The following SGCZ variants were observed in gnomAD, a reference collection of about 807,000 sequenced individuals.
SGCZ encodes the protein zeta-sarcoglycan.
SGCZ carries 40 observed loss-of-function variants against 41.3 expected under a neutral mutation model. That is an observed-to-expected ratio of 0.97 (90% CI 0.75 to 1.26). The LOEUF (loss-of-function observed/expected upper bound fraction) is 1.26, where lower values mean the gene tolerates loss of function less well. SGCZ is among the 50% of genes most tolerant of loss of function. The pLI is 0.00. For missense variants in SGCZ, 552 were observed against 369.8 expected (o/e 1.49, Z -4.04); for synonymous variants, 206 against 137.5 (o/e 1.50, Z -3.49).
chr8:14,367,596 G>A (rs188032830), intron 2 of SGCZ, among the ~76,000 whole-genome samples: 39 of 152,216 alleles, frequency 2.6e-4, no homozygotes, highest in Admixed American at 3.9e-4. Context: ...GGCAGAAGGC[G>A]AAAGAGGAGG....
chr8:14,489,568 C>T (rs923883161), intron 2 of SGCZ, among the ~76,000 whole-genome samples: 2 of 151,778 alleles, frequency 1.3e-5, no homozygotes, highest in Non-Finnish European at 2.9e-5. Flanking sequence ...GCTTTTTTAA[C>T]CCACTTTTTA....
chr8:14,497,412 T>G (rs1211347207), intron 2 of SGCZ, among the ~76,000 whole-genome samples: 1 of 152,116 alleles, frequency 6.6e-6, no homozygotes, highest in African/African-American at 2.4e-5. Context: ...CACTTACCAC[T>G]AAGGAGATGG....
intron 2 of SGCZ, among the ~76,000 whole-genome samples, chr8:14,334,078 T>A (rs1802428127): frequency 6.6e-6 from 1 of 152,068 alleles, no homozygotes; most frequent in African/African-American, 2.4e-5. Context: ...TATTTGTCTG[T>A]TACTATAATT....
intron 1 of SGCZ, among the ~76,000 whole-genome samples, chr8:15,029,985 G>A (rs937199766): frequency 2.6e-5 from 4 of 152,122 alleles, no homozygotes; most frequent in Admixed American, 6.6e-5. Flanking sequence ...AAAGTCCCAA[G>A]TACCTATTCT....
intron 5 of SGCZ, among the ~76,000 whole-genome samples, chr8:14,120,949 A>C (rs1381412050): frequency 1.3e-5 from 2 of 152,136 alleles, no homozygotes; most frequent in Admixed American, 1.3e-4. Context: ...CTATAGAAGA[A>C]TATCAGGAAT....
At chr8:14,698,344 A>T (rs781256032) in intron 1 of SGCZ, among the ~76,000 whole-genome samples, 4 of 151,844 alleles carry the variant, frequency 2.6e-5, no homozygotes, top group Non-Finnish European at 5.9e-5. Flanking sequence ...CTGGACAATG[A>T]TTTTTCTGGT....
At chr8:15,074,359 G>A (rs59339582) in intron 1 of SGCZ, among the ~76,000 whole-genome samples, 1,744 of 152,218 alleles carry the variant, frequency 0.011, 28 homozygotes, top group African/African-American at 0.04. Flanking sequence ...CTGGCAGTAT[G>A]AGCTTTGAAT....
chr8:14,133,261 A>C (rs1803096361), intron 5 of SGCZ, among the ~76,000 whole-genome samples: 1 of 152,200 alleles, frequency 6.6e-6, no homozygotes, highest in Non-Finnish European at 1.5e-5. Context: ...TTTCCCAGAG[A>C]AATTCTCCAC....
intron 7 of SGCZ, among the ~76,000 whole-genome samples, chr8:14,101,772 G>A (rs1334619241): frequency 5.7e-4 from 78 of 137,960 alleles, no homozygotes; most frequent in African/African-American, 1.4e-3. Flanking sequence ...GATATAACAA[G>A]AATTAAAAAA....
intron 2 of SGCZ, among the ~76,000 whole-genome samples, chr8:14,461,068 G>C (rs981070997): frequency 2.6e-5 from 4 of 152,024 alleles, no homozygotes; most frequent in African/African-American, 7.2e-5. Context: ...GAAAAGATAT[G>C]AAAAGGAATT....
At chr8:14,385,980 T>C (rs1287640838) in intron 2 of SGCZ, among the ~76,000 whole-genome samples, 1 of 152,178 alleles carries the variant, frequency 6.6e-6, no homozygotes, top group Non-Finnish European at 1.5e-5. Context: ...CCAAATACAA[T>C]GTAAATACTA....
intron 1 of SGCZ, among the ~76,000 whole-genome samples, chr8:14,884,195 TAA>T (rs1804701461): frequency 6.6e-6 from 1 of 152,144 alleles, no homozygotes; most frequent in South Asian, 2.1e-4. Flanking sequence ...ATTCTAAATA[TAA>T]GTGTCTTGTT....
intron 1 of SGCZ, among the ~76,000 whole-genome samples, chr8:14,767,142 T>G (rs779353383): frequency 6.6e-6 from 1 of 152,156 alleles, no homozygotes; most frequent in Admixed American, 6.5e-5. Context: ...GGGCTAGGCT[T>G]GCTTTGCCCA....
At chr8:14,628,514 C>T (rs1719328717) in intron 1 of SGCZ, among the ~76,000 whole-genome samples, 2 of 151,982 alleles carry the variant, frequency 1.3e-5, no homozygotes, top group South Asian at 2.1e-4. Flanking sequence ...ACCTGCTACA[C>T]CCAGGCCTAC....
At chr8:14,242,858 T>G (rs1256917013) in intron 3 of SGCZ, among the ~76,000 whole-genome samples, 1 of 152,172 alleles carries the variant, frequency 6.6e-6, no homozygotes, top group Non-Finnish European at 1.5e-5. Flanking sequence ...TTTTCTGAAA[T>G]GTCAAACCAA....
At chr8:14,147,556 A>G (rs1478398424) in intron 5 of SGCZ, among the ~76,000 whole-genome samples, 1 of 152,188 alleles carries the variant, frequency 6.6e-6, no homozygotes, top group Non-Finnish European at 1.5e-5. Context: ...GGGACATCCA[A>G]ATATATAGAG....
chr8:14,289,056 T>C (rs972134299), intron 3 of SGCZ, among the ~76,000 whole-genome samples: 1 of 152,192 alleles, frequency 6.6e-6, no homozygotes, highest in African/African-American at 2.4e-5. Context: ...ATGTACTTGA[T>C]ATCTATTCGT....
At chr8:14,942,788 G>C (rs1324077301) in intron 1 of SGCZ, among the ~76,000 whole-genome samples, 2 of 151,992 alleles carry the variant, frequency 1.3e-5, no homozygotes, top group East Asian at 1.9e-4. Flanking sequence ...CAGGTGCTTT[G>C]ATATCTATAT....
At chr8:14,424,137 G>A (rs1799711528) in intron 2 of SGCZ, among the ~76,000 whole-genome samples, 1 of 152,086 alleles carries the variant, frequency 6.6e-6, no homozygotes, top group Non-Finnish European at 1.5e-5. Flanking sequence ...AGTCAAATAG[G>A]TGTGAAACAT....
Sources: gnomAD v4.1 joint callset for allele counts (sites outside exome capture counted in the v4.1 genomes callset) on GRCh38, gnomAD v4.1.1 for gene constraint, MANE v1.5 for transcripts, NCBI Gene and HGNC (gene_info 2026-07-23, HGNC 2026-07-21) for gene names.